Variants in BMP5 observed in about 807,000 individuals in gnomAD.
BMP5 encodes the protein bone morphogenetic protein 5.
In BMP5, 23 loss-of-function variants were observed where a neutral mutation model predicts 46.6. That is an observed-to-expected ratio of 0.49 (90% CI 0.35 to 0.70). The LOEUF (loss-of-function observed/expected upper bound fraction) is 0.70, where lower values mean the gene tolerates loss of function less well. Ranked by LOEUF, BMP5 falls within the 30% of genes least tolerant of loss-of-function variation. The pLI, the probability that BMP5 is intolerant of heterozygous loss-of-function variation, is 0.00. For missense variants in BMP5, 545 were observed against 565.6 expected (o/e 0.96, Z 0.37); for synonymous variants, 204 against 191.9 (o/e 1.06, Z -0.52).
intron 1 of BMP5, among the ~76,000 whole-genome samples, chr6:55,833,640 G>A (rs1044709538): frequency 3.3e-5 from 5 of 152,128 alleles, no homozygotes; most frequent in East Asian, 1.9e-4. Context: ...AGAATGAAGG[G>A]CTAAAAAAGC....
At chr6:55,801,401 G>T (rs1289554920) in intron 2 of BMP5, among the ~76,000 whole-genome samples, 2 of 152,326 alleles carry the variant, frequency 1.3e-5, no homozygotes, top group East Asian at 1.9e-4. Context: ...GAAAGGACTT[G>T]GCGGCTAGAA....
chr6:55,787,939 A>G (rs909813985), intron 3 of BMP5, among the ~76,000 whole-genome samples: 2 of 151,668 alleles, frequency 1.3e-5, no homozygotes, highest in African/African-American at 4.8e-5. Flanking sequence ...TGGAGATTTT[A>G]TATGGTTTGG....
At chr6:55,764,504 C>T (rs1468477136) in intron 4 of BMP5, among the ~76,000 whole-genome samples, 1 of 147,824 alleles carries the variant, frequency 6.8e-6, no homozygotes, top group African/African-American at 2.5e-5. Flanking sequence ...ACCCGGGAGG[C>T]GGAGCTTGCA....
intron 1 of BMP5, among the ~76,000 whole-genome samples, chr6:55,858,917 T>C (rs1242627207): frequency 2.0e-5 from 3 of 151,994 alleles, no homozygotes; most frequent in African/African-American, 4.8e-5. Context: ...AATTGAACAA[T>C]GAGAACATAT....
chr6:55,764,515 GT>G (rs1184743209), intron 4 of BMP5, among the ~76,000 whole-genome samples: 1 of 150,278 alleles, frequency 6.7e-6, no homozygotes, highest in African/African-American at 2.5e-5. Context: ...GGAGCTTGCA[GT>G]GAGCGAGATG....
At position 55,760,471 on chromosome 6, in the gene BMP5, C is replaced by T; in HGVS notation, c.1090G>A (p.Asp364Asn). ...AAAATTCCTACCTGCCATCCCAGAT[C>T]CCGGAAGCTCACATAGAGTTCGTGC... ...KKHELYVSFRDLGWQDWIIAP... is the reference protein window; with the variant it reads ...KKHELYVSFRNLGWQDWIIAP... The change falls in exon 5 of 7, where the codon GAT becomes AAT. Residue 364 changes from aspartate to asparagine, a missense_variant. By Grantham distance (23) the Asp-to-Asn change is conservative. Transcript: ENST00000370830. The T allele has an allele frequency of 6.2e-7, 1 of 1,613,084 alleles. No individual in the cohort carries two copies. The highest frequency in any genetic ancestry group is 8.5e-7 in the Non-Finnish European group (1 of 1,179,298).
intron 1 of BMP5, among the ~76,000 whole-genome samples, chr6:55,853,553 A>AT (rs1265860430): frequency 6.6e-6 from 1 of 152,188 alleles, no homozygotes; most frequent in Non-Finnish European, 1.5e-5. Flanking sequence ...TCTGCTTTTT[A>AT]TTATCCCCAT....
chr6:55,771,183 C>A (rs1234723819), intron 4 of BMP5, among the ~76,000 whole-genome samples: 1 of 151,716 alleles, frequency 6.6e-6, no homozygotes. Flanking sequence ...GTACTCTATT[C>A]TTTTCAACAC....
chr6:55,835,551 A>C (rs1000418475), intron 1 of BMP5, among the ~76,000 whole-genome samples: 6 of 152,218 alleles, frequency 3.9e-5, no homozygotes, highest in Non-Finnish European at 2.9e-5. Context: ...ATTGTGAATG[A>C]AAAGCAGCTT....
At chr6:55,778,346 G>C (rs555055161) in intron 3 of BMP5, among the ~76,000 whole-genome samples, 3 of 151,996 alleles carry the variant, frequency 2.0e-5, no homozygotes, top group Non-Finnish European at 2.9e-5. Flanking sequence ...AGATTGAAAG[G>C]GTTCTTGAAG....
At chr6:55,802,733 A>G (rs1775879753) in intron 2 of BMP5, among the ~76,000 whole-genome samples, 1 of 151,724 alleles carries the variant, frequency 6.6e-6, no homozygotes, top group Admixed American at 6.6e-5. Context: ...ATATATATGT[A>G]TTTTTGCCAT....
At chr6:55,857,444 T>A (rs922932272) in intron 1 of BMP5, among the ~76,000 whole-genome samples, 2 of 152,182 alleles carry the variant, frequency 1.3e-5, no homozygotes, top group Non-Finnish European at 2.9e-5. Flanking sequence ...CTCTTTCATA[T>A]CCCTTAGAAG....
At chr6:55,783,511 A>G (rs1187811593) in intron 3 of BMP5, among the ~76,000 whole-genome samples, 3 of 151,952 alleles carry the variant, frequency 2.0e-5, no homozygotes, top group Non-Finnish European at 2.9e-5. Context: ...TTTTCTTCTC[A>G]CTTGTGCTCT....
intron 2 of BMP5, among the ~76,000 whole-genome samples, chr6:55,818,601 G>T (rs918070979): frequency 5.3e-5 from 8 of 151,992 alleles, no homozygotes; most frequent in Non-Finnish European, 1.0e-4. Context: ...TCTCCGAGAG[G>T]ATAGTCTAAC....
intron 1 of BMP5, among the ~76,000 whole-genome samples, chr6:55,835,017 C>T (rs905850558): frequency 3.3e-5 from 5 of 151,098 alleles, no homozygotes; most frequent in African/African-American, 1.2e-4. Flanking sequence ...ACCCAGGAGG[C>T]GGAGGCTGAA....
intron 1 of BMP5, among the ~76,000 whole-genome samples, chr6:55,854,006 T>C (rs965545750): frequency 6.6e-6 from 1 of 152,168 alleles, no homozygotes; most frequent in Admixed American, 6.5e-5. Flanking sequence ...TTTGTAAGGA[T>C]ATTTTAGCAA....
rs1188537954 is a variant in BMP5 at position 55,874,767 on chromosome 6, A to G, written c.99T>C (p.His33=). The change falls in exon 1 of 7, where the codon CAT becomes CAC. Residue 33 remains histidine (H), a synonymous_variant. Transcript: ENST00000370830. ...TTCTATAAATAAAACTGGAGTGAAC[A>G]TGATTGTCTCCCAAACCTCCTTTTG... ...GYAKGGLGDN[H]VHSSFIYRRL... 3 of 1,613,534 alleles carry G rather than the reference A, an allele frequency of 1.9e-6. No homozygotes were observed. Among genetic ancestry groups the G allele is most frequent in the Admixed American group, 1.7e-5 (1 of 59,948 alleles).
At chr6:55,756,315 C>G (rs974465406) in intron 6 of BMP5, among the ~76,000 whole-genome samples, 2 of 151,834 alleles carry the variant, frequency 1.3e-5, no homozygotes, top group African/African-American at 2.4e-5. Context: ...TTGCCTGCCC[C>G]CTAGACAAGT....
chr6:55,762,723 A>G (rs1474469022), intron 4 of BMP5, among the ~76,000 whole-genome samples: 1 of 152,148 alleles, frequency 6.6e-6, no homozygotes, highest in Admixed American at 6.6e-5. Flanking sequence ...AAACTCCTTG[A>G]TATACAAAAC....
Sources: gnomAD v4.1 joint callset for allele counts (sites outside exome capture counted in the v4.1 genomes callset) on GRCh38, gnomAD v4.1.1 for gene constraint, MANE v1.5 for transcripts, NCBI Gene and HGNC (gene_info 2026-07-23, HGNC 2026-07-21) for gene names.